PRKG1: variants seen among roughly 807,000 people sequenced by gnomAD.
PRKG1 encodes the protein cGMP-dependent protein kinase 1.
In PRKG1, 35 loss-of-function variants were observed where a neutral mutation model predicts 88.1. The observed-to-expected ratio is 0.40, with a 90% CI of 0.30 to 0.53. PRKG1 has a LOEUF of 0.53. PRKG1 is among the 20% of genes least tolerant of loss of function. PRKG1 has a pLI of 0.59. For missense variants in PRKG1, 540 were observed against 839.8 expected (o/e 0.64, Z 4.41); for synonymous variants, 303 against 292.5 (o/e 1.04, Z -0.37).
chr10:52,252,857 A>T (rs993181622), intron 10 of PRKG1: 1 of 151,828 alleles, frequency 6.6e-6, no homozygotes. Flanking sequence ...AAAAAAAAAA[A>T]GTAAGGTTCT....
chr10:51,678,569 T>C (rs1287862698), intron 3 of PRKG1, among the ~76,000 whole-genome samples: 1 of 152,144 alleles, frequency 6.6e-6, no homozygotes, highest in African/African-American at 2.4e-5. Context: ...CTGGTGGTGT[T>C]TGGATTATCT....
chr10:51,422,807 A>G (rs1838454911), intron 2 of PRKG1, among the ~76,000 whole-genome samples: 1 of 152,046 alleles, frequency 6.6e-6, no homozygotes, highest in Non-Finnish European at 1.5e-5. Flanking sequence ...TGGAGGTACC[A>G]CAATGTCATG....
rs551113769 is a variant in PRKG1 at position 50,994,918 on chromosome 10, G to A, written c.266+3274G>A. ...TTACATATAATTTATATTGCATTAG[G>A]TGTTATAAGTAATCTAGAGATGAGT... On this transcript the variant is annotated intron_variant, in intron 1 of 17. Coordinates refer to the PRKG1 transcript ENST00000401604. Among the ~76,000 whole-genome samples the A allele has an allele frequency of 3.9e-5, 6 of 152,178 alleles. No homozygotes were observed. The South Asian group carries it at 1.2e-3, about 32-fold the overall frequency.
intron 6 of PRKG1, among the ~76,000 whole-genome samples, chr10:52,061,115 T>A (rs936488873): frequency 2.0e-5 from 3 of 152,024 alleles, no homozygotes; most frequent in African/African-American, 7.2e-5. Flanking sequence ...TGCAAATTAG[T>A]GTCTCTGTGA....
chr10:51,961,510 A>G (rs911453155), intron 5 of PRKG1, among the ~76,000 whole-genome samples: 1 of 152,238 alleles, frequency 6.6e-6, no homozygotes, highest in African/African-American at 2.4e-5. Flanking sequence ...AACAGATATC[A>G]GCAATTGGTG....
At chr10:51,237,788 G>GA (rs370955942) in intron 2 of PRKG1, among the ~76,000 whole-genome samples, 19 of 150,732 alleles carry the variant, frequency 1.3e-4, no homozygotes, top group Non-Finnish European at 2.1e-4. Flanking sequence ...ATGTATTTCT[G>GA]AAAAAAAAAG....
chr10:51,645,812 C>A (rs1439829162), intron 3 of PRKG1, among the ~76,000 whole-genome samples: 1 of 151,924 alleles, frequency 6.6e-6, no homozygotes, highest in African/African-American at 2.4e-5. Flanking sequence ...GCTTTTTGTA[C>A]AATTAAAGGC....
At chr10:52,120,041 G>C (rs910900490) in intron 7 of PRKG1, among the ~76,000 whole-genome samples, 5 of 151,906 alleles carry the variant, frequency 3.3e-5, no homozygotes, top group African/African-American at 1.2e-4. Flanking sequence ...GACAGAGAGA[G>C]GGAGACAGAG....
At chr10:52,159,153 AT>A (rs1349513807) in intron 8 of PRKG1, among the ~76,000 whole-genome samples, 3 of 151,530 alleles carry the variant, frequency 2.0e-5, no homozygotes, top group African/African-American at 7.2e-5. Context: ...TTCAGTTTTA[AT>A]TTTTTTATAA....
At chr10:51,767,791 A>T (rs1392231280) in intron 3 of PRKG1, among the ~76,000 whole-genome samples, 1 of 152,168 alleles carries the variant, frequency 6.6e-6, no homozygotes, top group Non-Finnish European at 1.5e-5. Flanking sequence ...AGAAACTGAT[A>T]GCTATAGTTT....
intron 5 of PRKG1, among the ~76,000 whole-genome samples, chr10:51,961,627 A>G (rs188077745): frequency 1.3e-5 from 2 of 152,346 alleles, no homozygotes; most frequent in Non-Finnish European, 2.9e-5. Context: ...TTTGAATAAA[A>G]TGCTAGATTC....
At chr10:51,412,601 A>G (rs1426040162) in intron 2 of PRKG1, among the ~76,000 whole-genome samples, 2 of 152,084 alleles carry the variant, frequency 1.3e-5, no homozygotes, top group African/African-American at 4.8e-5. Context: ...CCAAGATTGT[A>G]CCATTGCACT....
At chr10:51,591,747 C>T (rs1838318416) in intron 3 of PRKG1, among the ~76,000 whole-genome samples, 1 of 152,192 alleles carries the variant, frequency 6.6e-6, no homozygotes, top group Admixed American at 6.5e-5. Flanking sequence ...CACCTAGAGT[C>T]TGATTTTCAA....
At chr10:51,209,209 C>G (rs553334973) in intron 2 of PRKG1, among the ~76,000 whole-genome samples, 9 of 152,112 alleles carry the variant, frequency 5.9e-5, no homozygotes, top group African/African-American at 1.9e-4. Flanking sequence ...GAAACGTTTT[C>G]CTTTTCTCCT....
At chr10:52,021,496 A>T (rs1845183415) in intron 5 of PRKG1, among the ~76,000 whole-genome samples, 2 of 152,194 alleles carry the variant, frequency 1.3e-5, no homozygotes, top group Non-Finnish European at 2.9e-5. Flanking sequence ...TGTGCTGCTG[A>T]TATGGGAAGA....
intron 4 of PRKG1, among the ~76,000 whole-genome samples, chr10:51,815,095 C>T (rs1007474176): frequency 6.6e-6 from 1 of 152,160 alleles, no homozygotes; most frequent in Non-Finnish European, 1.5e-5. Flanking sequence ...TCTTTAAGGA[C>T]TGTAGGCAAC....
intron 1 of PRKG1, among the ~76,000 whole-genome samples, chr10:51,035,788 T>C (rs993216375): frequency 2.0e-5 from 3 of 152,218 alleles, no homozygotes; most frequent in Admixed American, 1.3e-4. Context: ...GCTTAAAAAA[T>C]TGAAATCACC....
At position 52,054,509 on chromosome 10, in the gene PRKG1, T is replaced by C. The variant is rs760603835; in HGVS notation, c.788T>C (p.Ile263Thr). The C allele has an allele frequency of 6.2e-7, 1 of 1,613,806 alleles. No homozygotes were observed. The highest frequency in any genetic ancestry group is 8.5e-7 in the Non-Finnish European group (1 of 1,179,852). ...ACCCACTATGAAAATGGAGAATATA[T>C]TATCAGGCAAGGTGCAAGAGGGGAC... is the stretch of plus-strand genomic sequence containing the variant. Reference protein sequence around the residue: ...EETHYENGEYIIRQGARGDTF... With the variant: ...EETHYENGEYTIRQGARGDTF... The change falls in exon 6 of 18, where the codon ATT (isoleucine) becomes ACT (threonine). Residue 263 changes from isoleucine to threonine, a missense_variant. Physicochemically the swap from Ile to Thr is moderately conservative, Grantham distance 89 (BLOSUM62 -1). Around this residue, in one of 5 missense-constraint regions of PRKG1, gnomAD observed 400 missense variants for 562.7 expected, o/e 0.71. Transcript: ENST00000373980.
chr10:51,212,052 C>T (rs1178987336), intron 2 of PRKG1, among the ~76,000 whole-genome samples: 5 of 152,156 alleles, frequency 3.3e-5, no homozygotes, highest in Non-Finnish European at 7.4e-5. Context: ...ATCACACTAC[C>T]TGACTTCAAA....
Sources: allele counts gnomAD v4.1 joint callset (sites outside exome capture counted in the v4.1 genomes callset), GRCh38; gene constraint gnomAD v4.1.1; regional missense constraint gnomAD v4.1.1; transcripts MANE v1.5; gene names NCBI Gene and HGNC (gene_info 2026-07-23, HGNC 2026-07-21).